DMXL2: variants seen among roughly 807,000 people sequenced by gnomAD.
The protein encoded by DMXL2 is dmX-like protein 2.
In DMXL2, 103 loss-of-function variants were observed where a neutral mutation model predicts 331.1. That is an observed-to-expected ratio of 0.31 (90% CI 0.27 to 0.37). DMXL2 has a LOEUF of 0.37. Ranked by LOEUF, DMXL2 falls within the 10% of genes least tolerant of loss-of-function variation. DMXL2 has a pLI of 1.00. For synonymous variants in DMXL2, 1,281 were observed against 1,252.1 expected (o/e 1.02, Z -0.49); for missense variants, 3,171 against 3,642.9 (o/e 0.87, Z 3.33).
chr15:51,466,633 GAAATACAAA>G (rs1305095953), intron 29 of DMXL2: 1 of 151,786 alleles, frequency 6.6e-6, no homozygotes, highest in East Asian at 1.9e-4. Flanking sequence ...AAAGTCTAAA[GAAATACAAA>G]AGGACAAACT....
At chr15:51,581,633 T>C (rs776018810) in intron 1 of DMXL2, among the ~76,000 whole-genome samples, 10 of 152,196 alleles carry the variant, frequency 6.6e-5, no homozygotes, top group Non-Finnish European at 1.2e-4. Flanking sequence ...AATACTCTAA[T>C]CCCACAAACA....
At chr15:51,453,493 A>AAG in intron 41 of DMXL2, 57 bp downstream of exon 41, 2 of 1,319,198 alleles carry the variant, frequency 1.5e-6, no homozygotes, top group Non-Finnish European at 2.1e-6. Context: ...TATTCTTGCT[A>AAG]AAGGTATGGA....
At chr15:51,603,539 A>G (rs1193830447) in intron 1 of DMXL2, 1 of 152,104 alleles carries the variant, frequency 6.6e-6, no homozygotes, top group Non-Finnish European at 1.5e-5. Context: ...AAGAAATAAC[A>G]CCTATTCTAC....
rs530085781 is a variant in DMXL2 at position 51,605,188 on chromosome 15, G to GA, written c.87+17270dup. On this transcript the variant is annotated intron_variant, in intron 1 of 43. Transcript: ENST00000560891. ...ACTCGACAAAAACAGTACAACGGGG[G>GA]AAAAAAACATATAAATATATGTATT... Among the ~76,000 whole-genome samples, 39 of 152,048 alleles carry GA rather than the reference G, an allele frequency of 2.6e-4. 1 individual carries two copies. The highest frequency in any genetic ancestry group is 6.6e-4 in the Admixed American group (10 of 15,266).
rs752430355 is a variant in DMXL2, at chr15:51,499,496, T to C, written c.3728A>G (p.Asp1243Gly). ...LRSIDLVSSV[D>G]GTPSLPVSLS... ...AGAAACAGGCAGTGAAGGAGTACCA[T>C]CAACAGAAGATACCAAGTCTATAGA... The change falls in exon 18 of 44, where the codon GAT (aspartate) becomes GGT (glycine). Residue 1243 changes from aspartate (D) to glycine (G), a missense_variant. Transcript: ENST00000560891. 4 of 1,614,066 alleles carry C rather than the reference T, an allele frequency of 2.5e-6. No homozygotes were observed. Among genetic ancestry groups the C allele is most frequent in the Non-Finnish European group, 2.5e-6 (3 of 1,180,012 alleles).
At chr15:51,453,927 C>T (rs1452036029) in intron 40 of DMXL2, 2 of 262,136 alleles carry the variant, frequency 7.6e-6, no homozygotes, top group East Asian at 9.9e-5. Flanking sequence ...CATGAACCTA[C>T]CTAAGACCCG....
At chr15:51,452,340 A>G (rs2039219360) in intron 41 of DMXL2, among the ~76,000 whole-genome samples, 1 of 152,232 alleles carries the variant, frequency 6.6e-6, no homozygotes, top group African/African-American at 2.4e-5. Flanking sequence ...GGCAACCTGC[A>G]GAGTGGGAGA....
intron 23 of DMXL2, among the ~76,000 whole-genome samples, chr15:51,483,003 C>G (rs1055021145): frequency 6.6e-6 from 1 of 152,146 alleles, no homozygotes; most frequent in Non-Finnish European, 1.5e-5. Context: ...CCCTATCTCC[C>G]CCACCCAGAC....
chr15:51,455,299 G>C, intron 39 of DMXL2, 71 bp from the exon 40 acceptor site: 1 of 1,212,238 alleles, frequency 8.2e-7, no homozygotes, highest in Non-Finnish European at 1.2e-6. Context: ...ATGGAAGGAA[G>C]ATTCACTAAG....
At chr15:51,604,382 GA>G (rs372786998) in intron 1 of DMXL2, among the ~76,000 whole-genome samples, 48 of 145,262 alleles carry the variant, frequency 3.3e-4, no homozygotes, top group African/African-American at 1.2e-3. Context: ...TATCTACACT[GA>G]AAATCCCAAG....
Position 51,468,959 on chromosome 15 carries a change from AAGAGAG to A in DMXL2, c.7392+2258_7392+2263del, listed in dbSNP as rs139561448. ...AAAAAGGTGGGAGTTAAGTTAAAAA[AAGAGAG>A]AGAGAGAGAGAGAGAGGTGGAGCCT... On this transcript the variant is annotated intron_variant, in intron 29 of 43. Coordinates refer to ENST00000560891, the MANE Select transcript of DMXL2 (RefSeq NM_001378457.1). Among the ~76,000 whole-genome samples, 101 of 149,288 alleles carry A rather than the reference AAGAGAG, an allele frequency of 6.8e-4. 1 individual carries two copies. The highest frequency in any genetic ancestry group is 2.3e-3 in the African/African-American group (94 of 40,920).
chr15:51,615,049 G>C (rs1188676850), intron 1 of DMXL2, among the ~76,000 whole-genome samples: 1 of 152,144 alleles, frequency 6.6e-6, no homozygotes, highest in East Asian at 1.9e-4. Flanking sequence ...ATTAGAATTT[G>C]CTAACATTAG....
intron 1 of DMXL2, among the ~76,000 whole-genome samples, chr15:51,622,162 G>A (rs2054683298): frequency 1.3e-5 from 2 of 152,214 alleles, no homozygotes; most frequent in Non-Finnish European, 2.9e-5. Context: ...ACCGCAGACC[G>A]AAGGGCCGCC....
intron 25 of DMXL2, 145 bp downstream of exon 25, chr15:51,479,803 T>G: frequency 2.1e-6 from 1 of 487,334 alleles, no homozygotes; most frequent in East Asian, 3.5e-5. Flanking sequence ...TAAATTACAT[T>G]CATTGGACTA....
intron 1 of DMXL2, among the ~76,000 whole-genome samples, chr15:51,614,004 C>T (rs2141421328): frequency 6.6e-6 from 1 of 152,266 alleles, no homozygotes; most frequent in Middle Eastern, 3.4e-3. Context: ...AAATTCATAG[C>T]TTGAAACTCT....
intron 1 of DMXL2, among the ~76,000 whole-genome samples, chr15:51,605,517 C>CTT (rs58113467): frequency 0.022 from 482 of 22,224 alleles, 206 homozygotes; most frequent in Non-Finnish European, 0.041. Context: ...GATTAATATT[C>CTT]TTTTTTTTTT....
chr15:51,553,890 T>G (rs549819726), intron 6 of DMXL2, among the ~76,000 whole-genome samples: 22 of 152,220 alleles, frequency 1.4e-4, no homozygotes, highest in African/African-American at 5.1e-4. Flanking sequence ...TAGTAGACTA[T>G]TAGTAATTAA....
chr15:51,458,422 T>C (rs1262658357), intron 36 of DMXL2, 84 bp downstream of exon 36: 3 of 1,449,554 alleles, frequency 2.1e-6, no homozygotes, highest in Admixed American at 2.0e-5. Flanking sequence ...CGTATACCTT[T>C]TGAAATAATT....
chr15:51,571,039 C>A (rs1284527964), intron 2 of DMXL2, among the ~76,000 whole-genome samples: 1 of 151,956 alleles, frequency 6.6e-6, no homozygotes, highest in Non-Finnish European at 1.5e-5. Context: ...TTCAGGAGAC[C>A]CATCTCACAT....
Sources: gnomAD v4.1 joint callset for allele counts (sites outside exome capture counted in the v4.1 genomes callset) on GRCh38, gnomAD v4.1.1 for gene constraint, MANE v1.5 for transcripts, NCBI Gene and HGNC (gene_info 2026-07-23, HGNC 2026-07-21) for gene names.